LINGO2: variants seen among roughly 807,000 people sequenced by gnomAD.
LINGO2 encodes leucine-rich repeat and immunoglobulin-like domain-containing nogo receptor-interacting protein 2.
LINGO2 carries 14 observed loss-of-function variants against 30.6 expected under a neutral mutation model. The observed-to-expected ratio is 0.46, with a 90% CI of 0.30 to 0.72. The LOEUF (loss-of-function observed/expected upper bound fraction) is 0.72. Ranked by LOEUF, LINGO2 falls within the 30% of genes least tolerant of loss-of-function variation. The pLI is 0.07. For synonymous variants in LINGO2, 317 were observed against 288.5 expected (o/e 1.10, Z -1.00); for missense variants, 729 against 751.7 (o/e 0.97, Z 0.35).
At chr9:28,520,337 G>C (rs1400381468) in intron 1 of LINGO2, among the ~76,000 whole-genome samples, 1 of 152,016 alleles carries the variant, frequency 6.6e-6, no homozygotes, top group Non-Finnish European at 1.5e-5. Flanking sequence ...AGTTTATTAA[G>C]AATTTTTTAG....
the LINGO2 span, among the ~76,000 whole-genome samples, chr9:28,895,444 A>G: frequency 6.6e-6 from 1 of 152,182 alleles, no homozygotes. Context: ...CTTGAGGGAC[A>G]TCTGTCCAGA....
At chr9:28,245,087 C>T (rs781319048) in intron 4 of LINGO2, among the ~76,000 whole-genome samples, 1 of 152,146 alleles carries the variant, frequency 6.6e-6, no homozygotes, top group African/African-American at 2.4e-5. Flanking sequence ...TCCAGCACCA[C>T]ATCAAAAAGT....
At chr9:28,098,293 G>A (rs990905116) in intron 4 of LINGO2, among the ~76,000 whole-genome samples, 5 of 151,336 alleles carry the variant, frequency 3.3e-5, no homozygotes, top group African/African-American at 2.4e-5. Flanking sequence ...TGACAGAGCC[G>A]AACTCTGTCA....
the LINGO2 span, among the ~76,000 whole-genome samples, chr9:28,962,053 CA>C: frequency 6.6e-6 from 1 of 151,814 alleles, no homozygotes; most frequent in Non-Finnish European, 1.5e-5. Flanking sequence ...AACAAACAAA[CA>C]AAAAAACAGG....
At chr9:29,205,310 A>G in the LINGO2 span, among the ~76,000 whole-genome samples, 3 of 152,158 alleles carry the variant, frequency 2.0e-5, no homozygotes, top group Non-Finnish European at 2.9e-5. Flanking sequence ...AAGTGCTGGG[A>G]TTATAGGTGT....
At chr9:28,596,867 GA>G (rs578042724) in intron 1 of LINGO2, among the ~76,000 whole-genome samples, 4 of 152,204 alleles carry the variant, frequency 2.6e-5, no homozygotes, top group South Asian at 4.1e-4. Flanking sequence ...TGATAAAGGG[GA>G]CTGAGCATGC....
chr9:29,178,141 C>T, the LINGO2 span, among the ~76,000 whole-genome samples: 3 of 151,874 alleles, frequency 2.0e-5, no homozygotes, highest in African/African-American at 7.3e-5. Context: ...CTGGAACCTC[C>T]GCCTCCTGGG....
intron 4 of LINGO2, among the ~76,000 whole-genome samples, chr9:28,078,586 C>T (rs144930836): frequency 0.03 from 4,475 of 148,548 alleles, 243 homozygotes; most frequent in Admixed American, 0.082. Context: ...CGTGGTGGCT[C>T]ATGCCCGTAA....
intron 4 of LINGO2, among the ~76,000 whole-genome samples, chr9:28,065,382 C>A (rs1396683991): frequency 6.6e-6 from 1 of 151,886 alleles, no homozygotes; most frequent in Non-Finnish European, 1.5e-5. Flanking sequence ...CATGAATGAC[C>A]TACAAAGAGG....
chr9:28,051,335 C>T (rs1217103465), intron 4 of LINGO2, among the ~76,000 whole-genome samples: 1 of 152,024 alleles, frequency 6.6e-6, no homozygotes, highest in East Asian at 1.9e-4. Flanking sequence ...AAGTTTCTTT[C>T]CAAAAATTTA....
rs1273172042 is a variant in LINGO2 at position 28,506,463 on chromosome 9, T to TACACACACAC, written c.-364-30448_-364-30439dup. Among the ~76,000 whole-genome samples the TACACACACAC allele has an allele frequency of 9.6e-4, 20 of 20,892 alleles. 2 individuals are homozygous for TACACACACAC. The highest frequency in any genetic ancestry group is 1.6e-3 in the African/African-American group (19 of 11,648). 13.7% of individuals were successfully genotyped at this position (20,892 alleles called of 152,430 possible). A position where few individuals can be genotyped will look rare whatever the true frequency, so the allele number is the denominator to read the frequency against. On this transcript the variant is annotated intron_variant, in intron 1 of 5. Coordinates refer to ENST00000379992, the Ensembl canonical transcript of LINGO2. ...ACACACACACACACACACATACACA[T>TACACACACAC]ACACACACACACACACATACACATA...
the LINGO2 span, among the ~76,000 whole-genome samples, chr9:28,951,603 G>C: frequency 1.3e-5 from 2 of 152,046 alleles, no homozygotes; most frequent in Non-Finnish European, 2.9e-5. Flanking sequence ...TCTTGAGTTT[G>C]AGTTCCCAAG....
At chr9:28,909,999 A>G in the LINGO2 span, among the ~76,000 whole-genome samples, 1 of 152,096 alleles carries the variant, frequency 6.6e-6, no homozygotes, top group African/African-American at 2.4e-5. Context: ...TTTTATATGC[A>G]CAAATATTCT....
chr9:28,502,131 GACACACACAC>G (rs57545947), intron 1 of LINGO2, among the ~76,000 whole-genome samples: 3,249 of 147,126 alleles, frequency 0.022, 97 homozygotes, highest in East Asian at 0.1. Flanking sequence ...GAGAAACACA[GACACACACAC>G]ACACACACAC....
chr9:28,199,235 A>G (rs1055255596), intron 4 of LINGO2, among the ~76,000 whole-genome samples: 4 of 152,160 alleles, frequency 2.6e-5, no homozygotes, highest in African/African-American at 4.8e-5. Context: ...CAATTAATAA[A>G]TGCTTTATGA....
the LINGO2 span, among the ~76,000 whole-genome samples, chr9:29,075,741 G>A: frequency 6.6e-6 from 1 of 152,134 alleles, no homozygotes; most frequent in African/African-American, 2.4e-5. Context: ...AGGGCACTGA[G>A]TTAGCAAAGG....
the LINGO2 span, among the ~76,000 whole-genome samples, chr9:29,070,074 T>C: frequency 7.1e-6 from 1 of 141,638 alleles, no homozygotes; most frequent in Non-Finnish European, 1.5e-5. Context: ...TATATATATA[T>C]ACACACACAC....
At chr9:28,581,650 ATTC>A (rs1824263738) in intron 1 of LINGO2, among the ~76,000 whole-genome samples, 1 of 151,790 alleles carries the variant, frequency 6.6e-6, no homozygotes. Flanking sequence ...TCAAAAATAG[ATTC>A]TTGTGAATAG....
At chr9:28,603,832 C>A (rs1219721673) in intron 1 of LINGO2, among the ~76,000 whole-genome samples, 1 of 151,984 alleles carries the variant, frequency 6.6e-6, no homozygotes, top group Admixed American at 6.6e-5. Context: ...GCAATATCTC[C>A]AACAGCAAAG....
Sources: allele counts gnomAD v4.1 joint callset (sites outside exome capture counted in the v4.1 genomes callset), GRCh38; gene constraint gnomAD v4.1.1; transcripts MANE v1.5; gene names NCBI Gene and HGNC (gene_info 2026-07-23, HGNC 2026-07-21).